The following RIMBP2 variants were observed in gnomAD, a reference collection of about 807,000 sequenced individuals.
The protein encoded by RIMBP2 is RIMS-binding protein 2.
RIMBP2 carries 48 observed loss-of-function variants against 118.6 expected under a neutral mutation model. The ratio of observed to expected loss-of-function variants is 0.40; its 90% CI spans 0.32 to 0.51. The LOEUF (loss-of-function observed/expected upper bound fraction) is 0.51. RIMBP2 is among the 20% of genes least tolerant of loss of function. The pLI, the probability that RIMBP2 is intolerant of heterozygous loss-of-function variation, is 0.41. For missense variants in RIMBP2, 1,551 were observed against 1,768.3 expected (o/e 0.88, Z 2.20); for synonymous variants, 762 against 742.9 (o/e 1.03, Z -0.42).
intron 14 of RIMBP2, among the ~76,000 whole-genome samples, chr12:130,433,926 G>A (rs920491437): frequency 1.3e-5 from 2 of 152,188 alleles, no homozygotes; most frequent in Admixed American, 1.3e-4. Flanking sequence ...TGGGCATTCC[G>A]TTTCTGAACG....
At chr12:130,433,617 CT>C (rs1281766900) in intron 14 of RIMBP2, among the ~76,000 whole-genome samples, 1 of 152,198 alleles carries the variant, frequency 6.6e-6, no homozygotes, top group East Asian at 1.9e-4. Context: ...CAGTTCCTGC[CT>C]GGGTGGTGGC....
intron 5 of RIMBP2, chr12:130,472,154 G>A (rs535824583): frequency 1.3e-5 from 2 of 152,374 alleles, no homozygotes; most frequent in Admixed American, 6.5e-5. Flanking sequence ...TGGGTCTGAG[G>A]CCAGCAGATT....
At chr12:130,588,809 C>T (rs935955093) in intron 2 of RIMBP2, among the ~76,000 whole-genome samples, 1 of 152,188 alleles carries the variant, frequency 6.6e-6, no homozygotes, top group Non-Finnish European at 1.5e-5. Flanking sequence ...CAGTAGCTTC[C>T]CTAAGTGTCT....
At chr12:130,580,028 C>A (rs1241850588) in intron 2 of RIMBP2, among the ~76,000 whole-genome samples, 415 of 116,334 alleles carry the variant, frequency 3.6e-3, no homozygotes, top group Non-Finnish European at 4.2e-3. Flanking sequence ...ACCAAAAATA[C>A]AAAAAAAAAA....
At chr12:130,479,867 G>A (rs778991996) in intron 4 of RIMBP2, among the ~76,000 whole-genome samples, 25 of 151,592 alleles carry the variant, frequency 1.6e-4, no homozygotes, top group Non-Finnish European at 3.1e-4. Flanking sequence ...AATCCCCAGT[G>A]CTCAGGGTTT....
chr12:130,438,335 A>AACC, intron 12 of RIMBP2, 30 bp downstream of exon 12: 24 of 864,994 alleles, frequency 2.8e-5, no homozygotes, highest in Non-Finnish European at 3.8e-5. Flanking sequence ...GGCCTAACAA[A>AACC]CCCTCCCCAC....
rs1278039506 is a variant in RIMBP2 at position 130,683,928 on chromosome 12, C to A, written c.-352+32294G>T. Among the ~76,000 whole-genome samples the A allele has an allele frequency of 2.0e-5, 3 of 152,200 alleles. No individual in the cohort carries two copies. Among genetic ancestry groups the A allele is most frequent in the Non-Finnish European group, 4.4e-5 (3 of 68,026 alleles). Reference sequence around the variant, plus strand: ...TTTACTTTCCTAATAAATTTGCTTTCACCTTACAGACTCACGCTGAATTCT... The same window carrying A: ...TTTACTTTCCTAATAAATTTGCTTTAACCTTACAGACTCACGCTGAATTCT... On this transcript the variant is annotated intron_variant, in intron 1 of 22. Transcript: ENST00000690449. The surrounding 1 kb of genome is among the most constrained non-coding windows in gnomAD (Gnocchi z 4.4).
intron 4 of RIMBP2, among the ~76,000 whole-genome samples, chr12:130,481,175 CA>C (rs2081976700): frequency 6.6e-6 from 1 of 151,754 alleles, no homozygotes; most frequent in African/African-American, 2.4e-5. Flanking sequence ...CACCCAGGCT[CA>C]GGGGGAGGGG....
intron 1 of RIMBP2, among the ~76,000 whole-genome samples, chr12:130,636,148 C>T (rs7313152): frequency 0.11 from 16,142 of 152,172 alleles, 874 homozygotes; most frequent in African/African-American, 0.14. Flanking sequence ...ACCTCACACT[C>T]GCTATCCCCC....
chr12:130,430,846 G>A (rs962208577), intron 14 of RIMBP2, among the ~76,000 whole-genome samples: 2 of 151,926 alleles, frequency 1.3e-5, no homozygotes, highest in African/African-American at 4.8e-5. Context: ...GGCCTGGCTG[G>A]TCTCAAACTC....
At chr12:130,708,590 G>A (rs999796965) in intron 1 of RIMBP2, among the ~76,000 whole-genome samples, 8 of 152,110 alleles carry the variant, frequency 5.3e-5, no homozygotes, top group Non-Finnish European at 1.2e-4. Context: ...AGGATGCTGA[G>A]GTGGGAGGAT....
At position 130,462,425 on chromosome 12, in the gene RIMBP2, C is replaced by T. The variant is rs778496045; in HGVS notation, c.154-5725G>A. ...TGCCCCGAGGATGCCTGCCCGGCTG[C>T]GTCTCCACCGAGGCCCAAGGCACGC... On this transcript the variant is annotated intron_variant, in intron 6 of 22. Coordinates refer to ENST00000690449, the MANE Select transcript of RIMBP2 (RefSeq NM_001393629.1). Among the ~76,000 whole-genome samples the T allele has an allele frequency of 5.9e-5, 9 of 152,152 alleles. No homozygotes were observed. The South Asian group carries it at 8.3e-4, about 14-fold the overall frequency.
At chr12:130,399,649 A>T in intron 22 of RIMBP2, 30 bp downstream of exon 22, 1 of 1,612,702 alleles carries the variant, frequency 6.2e-7, no homozygotes, top group Non-Finnish European at 8.5e-7. Context: ...AACGGGACAG[A>T]GATTAAAAAG....
chr12:130,437,147 C>CG lies in RIMBP2; in HGVS notation c.1800dup (p.Glu601ArgfsTer40). ...TGGGGGGTAGGAGGCACCAGGAGCT[C>CG]GGGGGGAACGGCAGCAACTGCAGAG... On this transcript the variant is annotated frameshift_variant, in exon 13 of 23. Coordinates refer to ENST00000690449, the MANE Select transcript of RIMBP2 (RefSeq NM_001393629.1). LOFTEE classifies it high-confidence loss of function. 6.3e-7 allele frequency: 1 copy of CG among 1,583,904 alleles called. No homozygotes were observed. The highest frequency in any genetic ancestry group is 8.6e-7 in the Non-Finnish European group (1 of 1,164,426).
At chr12:130,536,189 G>A (rs570745579) in intron 2 of RIMBP2, among the ~76,000 whole-genome samples, 72 of 152,282 alleles carry the variant, frequency 4.7e-4, no homozygotes, top group African/African-American at 1.6e-3. Context: ...GAGAGAGAGA[G>A]AGAGAAACAG....
intron 1 of RIMBP2, among the ~76,000 whole-genome samples, chr12:130,664,493 C>CACA (rs1468478901): frequency 8.6e-5 from 10 of 116,852 alleles, no homozygotes; most frequent in African/African-American, 3.0e-4. Flanking sequence ...ATCACACACT[C>CACA]CCCATCCTGG....
At chr12:130,575,614 A>G (rs938123233) in intron 2 of RIMBP2, among the ~76,000 whole-genome samples, 2 of 152,216 alleles carry the variant, frequency 1.3e-5, no homozygotes, top group African/African-American at 4.8e-5. Context: ...TGTGCATGAA[A>G]CACACAAAGC....
chr12:130,540,727 C>G (rs778087630), intron 2 of RIMBP2, among the ~76,000 whole-genome samples: 1 of 152,178 alleles, frequency 6.6e-6, no homozygotes, highest in Non-Finnish European at 1.5e-5. Flanking sequence ...GGGAGATGGA[C>G]TTGAGACTGA....
intron 1 of RIMBP2, among the ~76,000 whole-genome samples, chr12:130,671,197 A>G (rs2064181028): frequency 6.6e-6 from 1 of 152,100 alleles, no homozygotes; most frequent in South Asian, 2.1e-4. Context: ...GGCAAAAAAA[A>G]TAAGAGACCC....
Sources: allele counts gnomAD v4.1 joint callset (sites outside exome capture counted in the v4.1 genomes callset), GRCh38; gene constraint gnomAD v4.1.1; non-coding constraint Gnocchi (gnomAD v3.1); transcripts MANE v1.5; gene names NCBI Gene and HGNC (gene_info 2026-07-23, HGNC 2026-07-21).